ZNF697: variants seen among roughly 807,000 people sequenced by gnomAD.
ZNF697 encodes the protein zinc finger protein 697.
In ZNF697, 23 loss-of-function variants were observed where a neutral mutation model predicts 32.4. The ratio of observed to expected loss-of-function variants is 0.71; its 90% CI spans 0.51 to 1.01. The LOEUF (loss-of-function observed/expected upper bound fraction) is 1.01. Among genes scored for constraint, ZNF697 ranks in the 50% least tolerant of loss-of-function variants. The pLI is 0.00. For missense variants in ZNF697, 930 were observed against 794.0 expected (o/e 1.17, Z -2.06); for synonymous variants, 418 against 337.2 (o/e 1.24, Z -2.62).
chr1:119,634,666 C>G (rs1648873203), intron 1 of ZNF697, among the ~76,000 whole-genome samples: 1 of 152,186 alleles, frequency 6.6e-6, no homozygotes, highest in Non-Finnish European at 1.5e-5. Context: ...ACATGATCCA[C>G]TTTCTTCAAT....
At chr1:119,636,956 C>G (rs1173259078) in intron 1 of ZNF697, among the ~76,000 whole-genome samples, 1 of 152,162 alleles carries the variant, frequency 6.6e-6, no homozygotes, top group Non-Finnish European at 1.5e-5. Context: ...TTGGACGTAT[C>G]TAATTTATAA....
At chr1:119,625,806 T>C in intron 2 of ZNF697, 69 bp downstream of exon 2, 8 of 1,568,638 alleles carry the variant, frequency 5.1e-6, no homozygotes, top group South Asian at 2.3e-5. Context: ...TCGCTAGTTA[T>C]GATTCTAGAG....
At position 119,623,037 on chromosome 1, in the gene ZNF697, GCCGCTCAC is replaced by G; in HGVS notation, c.1298_1305del (p.Gly433AlafsTer14). On this transcript the variant is annotated frameshift_variant, in exon 3 of 3. Transcript: ENST00000421812. LOFTEE classifies it high-confidence loss of function. ...TTCCCGCACTCGCGGCACACGTAGGGCCGCTCACCCGAGTGCGTGCGCTTGTGCGTGAA... is the reference window on the plus strand; with the variant it reads ...TTCCCGCACTCGCGGCACACGTAGGGCCGAGTGCGTGCGCTTGTGCGTGAA... 6.3e-7 allele frequency: 1 copy of G among 1,591,580 alleles called. No homozygotes were observed. The highest frequency in any genetic ancestry group is 1.7e-5 in the Admixed American group (1 of 57,716).
rs1648362606 is a variant in ZNF697 at position 119,622,477 on chromosome 1, A to G, written c.*228T>C. 2.6e-6 allele frequency: 2 copies of G among 766,330 alleles called. No homozygotes were observed. The highest frequency in any genetic ancestry group is 6.0e-5 in the East Asian group (2 of 33,482). The allele number at this position is 766,330 out of a possible 1,614,324, so 47.5% of individuals were successfully genotyped here. A position where few individuals can be genotyped will look rare whatever the true frequency, so the allele number is the denominator to read the frequency against. On this transcript the variant is annotated 3_prime_UTR_variant, in exon 3 of 3. Coordinates refer to ENST00000421812, the MANE Select transcript of ZNF697 (RefSeq NM_001080470.2). ...TGTATTTAAGGAAGTCATCACCCCA[A>G]GCGCATCTCCTGAACAATTCTTCCG...
At position 119,624,065 on chromosome 1, in the gene ZNF697, T is replaced by C. The variant is rs1304099652; in HGVS notation, c.278A>G (p.Asp93Gly). The C allele has an allele frequency of 6.2e-7, 1 of 1,604,382 alleles. No homozygotes were observed. Among genetic ancestry groups the C allele is most frequent in the Middle Eastern group, 1.7e-4 (1 of 6,022 alleles). Reference sequence around the variant, plus strand: ...CGCCATGTCAGCTACACCGGATTGGTCATCCTCTTCCCCACGGACAGAAAC... The same window carrying C: ...CGCCATGTCAGCTACACCGGATTGGCCATCCTCTTCCCCACGGACAGAAAC... ...EGVSVRGEED[D>G]QSGVADMAMF... Residue 93 changes from aspartate to glycine, a missense_variant, in exon 3 of 3, where the codon GAC becomes GGC. By Grantham distance (94) the Asp-to-Gly change is moderately conservative. Transcript: ENST00000421812.
intron 2 of ZNF697, among the ~76,000 whole-genome samples, chr1:119,625,400 T>A (rs1264121796): frequency 6.6e-6 from 1 of 152,186 alleles, no homozygotes; most frequent in Non-Finnish European, 1.5e-5. Flanking sequence ...ACTTTGGGAA[T>A]TAGCCACATG....
intron 1 of ZNF697, among the ~76,000 whole-genome samples, chr1:119,636,276 A>G (rs1034306575): frequency 6.6e-6 from 1 of 152,218 alleles, no homozygotes; most frequent in Non-Finnish European, 1.5e-5. Flanking sequence ...CCATACGGAA[A>G]TGTGTCTGTA....
Position 119,623,032 on chromosome 1 carries a change from G to A in ZNF697, c.1311C>T (p.Tyr437=), listed in dbSNP as rs371820983. ...AGCCCTTCCCGCACTCGCGGCACAC[G>A]TAGGGCCGCTCACCCGAGTGCGTGC... is the stretch of plus-strand genomic sequence containing the variant. ...HKRTHSGERP[Y]VCRECGKGFG... Residue 437 remains tyrosine, a synonymous_variant, in exon 3 of 3, where the codon TAC becomes TAT. Transcript: ENST00000421812. 8.5e-5 allele frequency: 136 copies of A among 1,591,934 alleles called. No individual in the cohort carries two copies. Among genetic ancestry groups the A allele is most frequent in the Non-Finnish European group, 1.1e-4 (127 of 1,168,644 alleles).
chr1:119,637,875 A>T lies in ZNF697; in HGVS notation c.-38+9816T>A, dbSNP rs347907. Among the ~76,000 whole-genome samples, 646 of 152,188 alleles carry T rather than the reference A, an allele frequency of 4.2e-3. 7 individuals are homozygous for T. Among genetic ancestry groups the T allele is most frequent in the African/African-American group, 0.015 (633 of 41,522 alleles). ...TTGAGTTAATGGAGTGTTAGAGTAA[A>T]CACTGAATAATACTGAGTCCTTTGT... On this transcript the variant is annotated intron_variant, in intron 1 of 2. Transcript: ENST00000421812.
intron 1 of ZNF697, among the ~76,000 whole-genome samples, chr1:119,646,781 G>A (rs1488990876): frequency 6.6e-6 from 1 of 152,204 alleles, no homozygotes; most frequent in Non-Finnish European, 1.5e-5. Context: ...GATAGTGAGT[G>A]TGGCCCCTTA....
At position 119,648,202 on chromosome 1, in the gene ZNF697, T is replaced by TTGGCGGC. The variant is rs1553230567; in HGVS notation, c.-550_-549insGCCGCCA. 2.7e-5 allele frequency among the ~76,000 whole-genome samples: 4 copies of TTGGCGGC among 150,298 alleles called. No homozygotes were observed. Among genetic ancestry groups the TTGGCGGC allele is most frequent in the African/African-American group, 9.8e-5 (4 of 40,954 alleles). ...GCTGGGTGGCCCGCTGGCTGGCTGG[T>TTGGCGGC]TGGCTGGCTGGCTGGCTGGCTGGCT... On this transcript the variant is annotated 5_prime_UTR_variant, in exon 1 of 3. Transcript: ENST00000421812.
In ZNF697 at chr1:119,622,430, A is replaced by T; in HGVS notation, c.*275T>A. On this transcript the variant is annotated 3_prime_UTR_variant, in exon 3 of 3. Coordinates refer to ENST00000421812, the MANE Select transcript of ZNF697 (RefSeq NM_001080470.2). ...CCTTCCTCAAAGTGCCTGGTCCTCC[A>T]AGCTCTTCACCCCCTACAGCGTGTA... 1 of 420,324 alleles carries T rather than the reference A, an allele frequency of 2.4e-6. No homozygotes were observed. 26.0% of individuals were successfully genotyped at this position (420,324 alleles called of 1,614,324 possible). A position where few individuals can be genotyped will look rare whatever the true frequency, so the allele number is the denominator to read the frequency against.
intron 1 of ZNF697, among the ~76,000 whole-genome samples, chr1:119,637,987 A>G (rs190806468): frequency 2.6e-5 from 4 of 152,194 alleles, no homozygotes; most frequent in African/African-American, 9.6e-5. Context: ...GAGAGAAAAG[A>G]GAGAGAGAAA....
At chr1:119,629,191 A>AT (rs879452565) in intron 1 of ZNF697, among the ~76,000 whole-genome samples, 38 of 152,324 alleles carry the variant, frequency 2.5e-4, no homozygotes, top group Middle Eastern at 3.4e-3. Context: ...ATAAACAGGT[A>AT]TTTTTTAATC....
intron 1 of ZNF697, among the ~76,000 whole-genome samples, chr1:119,646,003 A>C (rs1239947199): frequency 6.6e-6 from 1 of 152,128 alleles, no homozygotes; most frequent in Non-Finnish European, 1.5e-5. Flanking sequence ...GATTCTGAGG[A>C]AATTCAAAGA....
At chr1:119,645,747 T>A (rs909766475) in intron 1 of ZNF697, among the ~76,000 whole-genome samples, 1 of 152,004 alleles carries the variant, frequency 6.6e-6, no homozygotes, top group Admixed American at 6.5e-5. Context: ...TAGTGTGTGG[T>A]ACTGAGAAAC....
chr1:119,645,597 G>A (rs1248140789), intron 1 of ZNF697, among the ~76,000 whole-genome samples: 1 of 152,176 alleles, frequency 6.6e-6, no homozygotes, highest in Non-Finnish European at 1.5e-5. Flanking sequence ...AAGGACTGGG[G>A]AGCTATTTGC....
Position 119,623,468 on chromosome 1 carries a change from G to T in ZNF697, c.875C>A (p.Ala292Asp). The T allele has an allele frequency of 6.4e-7, 1 of 1,562,768 alleles. No individual in the cohort carries two copies. Among genetic ancestry groups the T allele is most frequent in the African/African-American group, 1.4e-5 (1 of 70,232 alleles). The change falls in exon 3 of 3, where the codon GCC becomes GAC. Residue 292 changes from alanine (A) to aspartate (D), a missense_variant. By Grantham distance (126) the Ala-to-Asp change is moderately radical. Transcript: ENST00000421812. ...CCAGCTGAAGCTCTTGCCGCAGTCG[G>T]CGCACAGGTTGGGCCGCTCGCCCGT... ...LHTGERPNLC[A>D]DCGKSFSWRA... is the part of the protein sequence containing the mutation.
chr1:119,645,414 A>G (rs1243023352), intron 1 of ZNF697, among the ~76,000 whole-genome samples: 1 of 152,208 alleles, frequency 6.6e-6, no homozygotes, highest in Non-Finnish European at 1.5e-5. Context: ...AATACAAATT[A>G]CCAAGGGGTA....
Sources: allele counts gnomAD v4.1 joint callset (sites outside exome capture counted in the v4.1 genomes callset), GRCh38; gene constraint gnomAD v4.1.1; transcripts MANE v1.5; gene names NCBI Gene and HGNC (gene_info 2026-07-23, HGNC 2026-07-21).